The following DCC variants were observed in gnomAD, a reference collection of about 807,000 sequenced individuals.
The protein encoded by DCC is DCC netrin 1 receptor.
DCC carries 58 observed loss-of-function variants against 172.5 expected under a neutral mutation model. The ratio of observed to expected loss-of-function variants is 0.34; its 90% CI spans 0.27 to 0.42. The LOEUF is 0.42. Among genes scored for constraint, DCC ranks in the 10% least tolerant of loss-of-function variants. The pLI is 1.00. For synonymous variants in DCC, 709 were observed against 644.5 expected (o/e 1.10, Z -1.52); for missense variants, 1,740 against 1,791.0 (o/e 0.97, Z 0.51).
Position 53,397,396 on chromosome 18 carries a change from G to C in DCC, c.2777G>C (p.Arg926Thr). 6.2e-7 allele frequency: 1 copy of C among 1,613,948 alleles called. No homozygotes were observed. The highest frequency in any genetic ancestry group is 8.5e-7 in the Non-Finnish European group (1 of 1,179,924). The stretch of plus-strand genomic sequence containing the variant: ...TTCTCGGTCATGGTAACAAAAAACA[G>C]AAGGTCCAGTACTTGGAGCATGACT... ...YEFSVMVTKN[R>T]RSSTWSMTAH... The change falls in exon 18 of 29, where the codon AGA becomes ACA. Residue 926 changes from arginine (R) to threonine (T), a missense_variant. This residue lies in a region of DCC where 1,732 missense variants were observed against 1,767.4 expected (regional missense o/e 0.98). Coordinates refer to ENST00000442544, the MANE Select transcript of DCC (RefSeq NM_005215.4).
At chr18:53,157,192 C>A (rs1159444721) in intron 7 of DCC, among the ~76,000 whole-genome samples, 164 bp from the exon 8 acceptor site, 1 of 152,076 alleles carries the variant, frequency 6.6e-6, no homozygotes, top group Non-Finnish European at 1.5e-5. Context: ...ACAAATATAC[C>A]TTTTATTCCA....
intron 1 of DCC, among the ~76,000 whole-genome samples, chr18:52,575,781 C>T (rs1014354115): frequency 6.6e-6 from 1 of 152,082 alleles, no homozygotes; most frequent in African/African-American, 2.4e-5. Context: ...TTAGGTATAA[C>T]TTAGGGATAT....
At chr18:52,427,958 C>T (rs1003792361) in intron 1 of DCC, among the ~76,000 whole-genome samples, 3 of 151,670 alleles carry the variant, frequency 2.0e-5, no homozygotes, top group African/African-American at 7.3e-5. Flanking sequence ...AAAAGGCAAG[C>T]ACTCCACCAA....
Position 52,399,797 on chromosome 18 carries a change from T to C in DCC, c.91+58919T>C, listed in dbSNP as rs147153012. ...TCTGTTACGTTCATTGGACTGTAAG[T>C]TCCCTGAGAGTGAGAACCTGTCTTA... On this transcript the variant is annotated intron_variant, in intron 1 of 28. Coordinates refer to ENST00000442544, the MANE Select transcript of DCC (RefSeq NM_005215.4). 1.7e-4 allele frequency among the ~76,000 whole-genome samples: 26 copies of C among 152,142 alleles called. 1 individual carries two copies. The East Asian group carries it at 5.1e-3, about 30-fold the overall frequency.
chr18:53,208,739 C>T (rs370805211), intron 11 of DCC, among the ~76,000 whole-genome samples: 1 of 151,960 alleles, frequency 6.6e-6, no homozygotes, highest in Admixed American at 6.6e-5. Flanking sequence ...CTTTTCTTTT[C>T]CTTTTTTGGA....
At chr18:52,774,251 C>T (rs1568094388) in intron 2 of DCC, among the ~76,000 whole-genome samples, 1 of 152,082 alleles carries the variant, frequency 6.6e-6, no homozygotes, top group African/African-American at 2.4e-5. Flanking sequence ...TTTAACAAGC[C>T]CTTCAGGTGA....
At chr18:52,999,902 T>C (rs1410861562) in intron 5 of DCC, among the ~76,000 whole-genome samples, 1 of 152,066 alleles carries the variant, frequency 6.6e-6, no homozygotes, top group African/African-American at 2.4e-5. Context: ...TGGAGTAGGA[T>C]AGGCCTTTAA....
At chr18:52,442,260 T>C (rs1044957427) in intron 1 of DCC, among the ~76,000 whole-genome samples, 3 of 152,228 alleles carry the variant, frequency 2.0e-5, no homozygotes, top group East Asian at 1.9e-4. Flanking sequence ...AGAGTTTTCA[T>C]GATATAGCTA....
chr18:53,530,514 G>T, intron 28 of DCC, 50 bp from the exon 29 acceptor site: 1 of 1,057,538 alleles, frequency 9.5e-7, no homozygotes, highest in Non-Finnish European at 1.5e-6. Context: ...CTTCATAAAA[G>T]AAATGGATCA....
chr18:53,279,235 T>C (rs1279332248), intron 12 of DCC, among the ~76,000 whole-genome samples: 1 of 152,004 alleles, frequency 6.6e-6, no homozygotes, highest in Non-Finnish European at 1.5e-5. Flanking sequence ...TAGCAAAGAC[T>C]TGGAACCAAG....
chr18:53,365,605 C>T (rs79847383), intron 15 of DCC, among the ~76,000 whole-genome samples: 103 of 152,140 alleles, frequency 6.8e-4, no homozygotes, highest in African/African-American at 2.4e-3. Flanking sequence ...AAGGAAGAGA[C>T]GAGGAATGTG....
At position 52,509,201 on chromosome 18, in the gene DCC, G is replaced by A. The variant is rs140681327; in HGVS notation, c.91+168323G>A. Among the ~76,000 whole-genome samples the A allele has an allele frequency of 4.9e-3, 740 of 152,076 alleles. 7 individuals carry two copies. The highest frequency in any genetic ancestry group is 0.015 in the South Asian group (72 of 4,828). ...TGTAAATGTAAAAATATAGTAATAC[G>A]AACAACTAATTTATTTGTAATGTGG... On this transcript the variant is annotated intron_variant, in intron 1 of 28. Transcript: ENST00000442544.
intron 9 of DCC, among the ~76,000 whole-genome samples, chr18:53,195,185 A>T (rs1273628693): frequency 6.6e-6 from 1 of 152,220 alleles, no homozygotes; most frequent in Non-Finnish European, 1.5e-5. Flanking sequence ...AGATGTTTCA[A>T]TCCTACCTGA....
chr18:52,864,746 A>G (rs1024670323), intron 2 of DCC, among the ~76,000 whole-genome samples: 23 of 149,986 alleles, frequency 1.5e-4, no homozygotes, highest in African/African-American at 5.4e-4. Context: ...ATGTGTTTTC[A>G]TTGTTCAACT....
rs2045944737 is a variant in DCC at position 53,490,131 on chromosome 18, C to G, written c.3898+3173C>G. Among the ~76,000 whole-genome samples the G allele has an allele frequency of 2.0e-5, 3 of 152,064 alleles. No individual in the cohort carries two copies. The South Asian group carries it at 6.2e-4, about 31-fold the overall frequency. ...CATGCTATTTTTCTGCCTCTGTTCT[C>G]CCTCAAATGGGAAATCAACTAATAA... On this transcript the variant is annotated intron_variant, in intron 26 of 28. Coordinates refer to ENST00000442544, the MANE Select transcript of DCC (RefSeq NM_005215.4).
At chr18:52,532,397 A>C (rs1419984547) in intron 1 of DCC, among the ~76,000 whole-genome samples, 1 of 152,150 alleles carries the variant, frequency 6.6e-6, no homozygotes, top group Admixed American at 6.5e-5. Context: ...AATAAGTTCA[A>C]GACTCAAGAA....
chr18:52,569,649 C>T (rs1401536733), intron 1 of DCC, among the ~76,000 whole-genome samples: 4 of 151,956 alleles, frequency 2.6e-5, no homozygotes, highest in African/African-American at 7.3e-5. Context: ...GTAAGGTTTC[C>T]GATGTTTATC....
At chr18:53,293,510 G>A (rs1340388221) in intron 12 of DCC, among the ~76,000 whole-genome samples, 1 of 152,078 alleles carries the variant, frequency 6.6e-6, no homozygotes, top group African/African-American at 2.4e-5. Flanking sequence ...ACATGTACAG[G>A]TTTGTTATAT....
At chr18:52,424,882 T>A (rs1420863227) in intron 1 of DCC, among the ~76,000 whole-genome samples, 2 of 151,900 alleles carry the variant, frequency 1.3e-5, no homozygotes, top group Non-Finnish European at 2.9e-5. Flanking sequence ...CTTTCTATTT[T>A]TTTCCATTCA....
Sources: allele counts gnomAD v4.1 joint callset (sites outside exome capture counted in the v4.1 genomes callset), GRCh38; gene constraint gnomAD v4.1.1; regional missense constraint gnomAD v4.1.1; transcripts MANE v1.5; gene names NCBI Gene and HGNC (gene_info 2026-07-23, HGNC 2026-07-21).